PRDM15: variants seen among roughly 807,000 people sequenced by gnomAD.
PRDM15 encodes the protein PR/SET domain 15, also known as PR domain zinc finger protein 15.
A neutral mutation model predicts 128.6 loss-of-function variants in PRDM15; 64 were observed. The observed-to-expected ratio is 0.50, with a 90% CI of 0.41 to 0.61. The LOEUF (loss-of-function observed/expected upper bound fraction) is 0.61. Among genes scored for constraint, PRDM15 ranks in the 20% least tolerant of loss-of-function variants. The pLI, the probability that PRDM15 is intolerant of heterozygous loss-of-function variation, is 0.00. For synonymous variants in PRDM15, 615 were observed against 621.8 expected (o/e 0.99, Z 0.16); for missense variants, 1,242 against 1,569.1 (o/e 0.79, Z 3.52).
chr21:41,878,784 G>C (rs777385508), intron 1 of PRDM15: 1 of 1,420,310 alleles, frequency 7.0e-7, no homozygotes, highest in Non-Finnish European at 9.3e-7. Context: ...GGGGGATAAC[G>C]ACATCCCCTG....
intron 5 of PRDM15, among the ~76,000 whole-genome samples, chr21:41,848,207 T>A (rs1198310780): frequency 6.6e-6 from 1 of 152,196 alleles, no homozygotes; most frequent in Non-Finnish European, 1.5e-5. Context: ...TGCATATGCA[T>A]TCAGCACTAG....
chr21:41,869,071 G>A (rs1051641846), intron 1 of PRDM15, among the ~76,000 whole-genome samples: 1 of 152,132 alleles, frequency 6.6e-6, no homozygotes, highest in Admixed American at 6.5e-5. Flanking sequence ...TAGATGCTTT[G>A]TCGCATGTAG....
intron 1 of PRDM15, among the ~76,000 whole-genome samples, chr21:41,865,222 T>TCCCCACTCCCCACTC (rs2063966118): frequency 6.6e-6 from 1 of 151,732 alleles, no homozygotes; most frequent in Admixed American, 6.6e-5. Flanking sequence ...CACTCCTCAG[T>TCCCCACTCCCCACTC]CTTAGCTTAA....
At chr21:41,802,973 C>A in intron 22 of PRDM15, 52 bp from the exon 23 acceptor site, 2 of 1,491,656 alleles carry the variant, frequency 1.3e-6, no homozygotes, top group Admixed American at 1.7e-5. Flanking sequence ...TCACGTCAGG[C>A]AGCGGCCAGG....
intron 1 of PRDM15, among the ~76,000 whole-genome samples, chr21:41,867,144 A>G (rs990530474): frequency 7.0e-6 from 1 of 142,566 alleles, no homozygotes; most frequent in Non-Finnish European, 1.6e-5. Flanking sequence ...AAGCCCAGAA[A>G]CCTCACTGAC....
intron 4 of PRDM15, 26 bp downstream of exon 4, chr21:41,857,150 A>C: frequency 6.3e-7 from 1 of 1,595,312 alleles, no homozygotes. Flanking sequence ...CCAGTTCCTG[A>C]GCTCCTGTTT....
At chr21:41,836,691 A>G in intron 8 of PRDM15, 42 bp from the exon 9 acceptor site, 1 of 1,539,664 alleles carries the variant, frequency 6.5e-7, no homozygotes, top group Non-Finnish European at 8.9e-7. Flanking sequence ...ACAGGTGGGA[A>G]AAAAGTTCCA....
At chr21:41,872,563 C>G (rs761836112) in intron 1 of PRDM15, among the ~76,000 whole-genome samples, 28 of 151,918 alleles carry the variant, frequency 1.8e-4, no homozygotes, top group Middle Eastern at 3.2e-3. Context: ...ATCAGTTGTA[C>G]CTATTTATGG....
intron 11 of PRDM15, among the ~76,000 whole-genome samples, chr21:41,831,203 T>C (rs1288281129): frequency 6.6e-6 from 1 of 152,274 alleles, no homozygotes; most frequent in Non-Finnish European, 1.5e-5. Context: ...GCAGCCGCCC[T>C]GCGCCTGTCC....
intron 17 of PRDM15, 128 bp from the exon 18 acceptor site, chr21:41,819,829 G>C (rs1358950990): frequency 8.0e-7 from 1 of 1,242,910 alleles, no homozygotes; most frequent in African/African-American, 1.5e-5. Context: ...GGGTGGGGTC[G>C]CCTCTTCAGC....
chr21:41,805,321 G>A (rs74447736), intron 21 of PRDM15, among the ~76,000 whole-genome samples: 1 of 152,318 alleles, frequency 6.6e-6, no homozygotes, highest in African/African-American at 2.4e-5. Flanking sequence ...GTGATAAAGG[G>A]GAGGGGCTGC....
chr21:41,836,109 C>G lies in PRDM15; in HGVS notation c.1278+4G>C. The G allele has an allele frequency of 6.2e-7, 1 of 1,611,562 alleles. No individual in the cohort carries two copies. Among genetic ancestry groups the G allele is most frequent in the Non-Finnish European group, 8.5e-7 (1 of 1,178,006 alleles). On this transcript the variant is annotated splice_donor_region_variant and intron_variant, in intron 10 of 23. Coordinates refer to ENST00000398548, the MANE Select transcript of PRDM15 (RefSeq NM_001040424.3). ...AAGAGAACCCTGGGCTTGTTTCCAC[C>G]CACCTCGTTCCTGCTGTGCTTGTAG...
At chr21:41,877,652 G>A (rs566270909) in intron 1 of PRDM15, 2 of 152,194 alleles carry the variant, frequency 1.3e-5, no homozygotes, top group African/African-American at 4.8e-5. Context: ...CATCGAAAAT[G>A]ATATGAGAGC....
chr21:41,815,229 A>C (rs895167144), intron 19 of PRDM15, among the ~76,000 whole-genome samples: 20 of 152,212 alleles, frequency 1.3e-4, no homozygotes, highest in African/African-American at 4.1e-4. Context: ...CTTTCTATGC[A>C]CATCAGCGTA....
Position 41,847,010 on chromosome 21 carries a change from C to T in PRDM15, c.640+80G>A, listed in dbSNP as rs1005097543. ...ACAAAGTCTGGGACATCCCGACAGC[C>T]GCAGACAGGTGACAGCGTAAGTCAG... is the stretch of plus-strand genomic sequence containing the variant. On this transcript the variant is annotated intron_variant, in intron 6 of 23. Transcript: ENST00000398548. 4.4e-5 allele frequency: 42 copies of T among 944,862 alleles called. 1 individual carries two copies. The highest frequency in any genetic ancestry group is 4.3e-4 in the Admixed American group (20 of 46,328). The allele number at this position is 944,862 out of a possible 1,614,324, so 58.5% of individuals were successfully genotyped here.
rs2061866310 is a variant in PRDM15 at position 41,811,664 on chromosome 21, ATTAGAGCTTACC to A, written c.2393-840_2393-829del. ...CCCATCTCTAACAACAGAAAGGTAA[ATTAGAGCTTACC>A]TGACTTTTTTTTTTTTTTTTTTTTT... On this transcript the variant is annotated intron_variant, in intron 19 of 23. Transcript: ENST00000398548. This position sits in a 1 kb window ranked among gnomAD's most constrained non-coding sequence, Gnocchi z 4.1. 7.2e-6 allele frequency: 1 copy of A among 139,566 alleles called. No homozygotes were observed. The highest frequency in any genetic ancestry group is 2.3e-4 in the South Asian group (1 of 4,260). 8.6% of individuals were successfully genotyped at this position (139,566 alleles called of 1,614,324 possible).
At position 41,799,412 on chromosome 21, in the gene PRDM15, T is replaced by TA. The variant is rs2061367160; in HGVS notation, c.*1827dup. On this transcript the variant is annotated 3_prime_UTR_variant, in exon 24 of 24. Coordinates refer to ENST00000398548, the MANE Select transcript of PRDM15 (RefSeq NM_001040424.3). The stretch of plus-strand genomic sequence containing the variant: ...CTACTATGTATAAAACAGTTAATTA[T>TA]ATACATAAATAACATAAAATAATTC... 1 of 152,214 alleles carries TA rather than the reference T, an allele frequency of 6.6e-6. No individual in the cohort carries two copies. The highest frequency in any genetic ancestry group is 1.5e-5 in the Non-Finnish European group (1 of 68,032). 9.4% of individuals were successfully genotyped at this position (152,214 alleles called of 1,614,324 possible).
chr21:41,871,863 C>T (rs1345022287), intron 1 of PRDM15: 1 of 438,364 alleles, frequency 2.3e-6, no homozygotes, highest in Non-Finnish European at 4.1e-6. Context: ...CGAGTACAGT[C>T]TCTCCTGTAG....
intron 8 of PRDM15, among the ~76,000 whole-genome samples, chr21:41,837,416 C>T (rs1297222907): frequency 6.6e-6 from 1 of 152,106 alleles, no homozygotes; most frequent in African/African-American, 2.4e-5. Flanking sequence ...ATGGATGAGC[C>T]GGGGTAGAAT....
Sources: gnomAD v4.1 joint callset for allele counts (sites outside exome capture counted in the v4.1 genomes callset) on GRCh38, gnomAD v4.1.1 for gene constraint, Gnocchi (gnomAD v3.1) non-coding constraint, MANE v1.5 for transcripts, NCBI Gene and HGNC (gene_info 2026-07-23, HGNC 2026-07-21) for gene names.